The following RPS6KC1 variants were observed in gnomAD, a reference collection of about 807,000 sequenced individuals.
RPS6KC1 encodes the protein ribosomal protein S6 kinase C1.
In RPS6KC1, 54 loss-of-function variants were observed where a neutral mutation model predicts 103.8. That is an observed-to-expected ratio of 0.52 (90% CI 0.42 to 0.65). The LOEUF (loss-of-function observed/expected upper bound fraction) is 0.65, where lower values mean the gene tolerates loss of function less well. Ranked by LOEUF, RPS6KC1 falls within the 30% of genes least tolerant of loss-of-function variation. RPS6KC1 has a pLI of 0.00. For synonymous variants in RPS6KC1, 439 were observed against 438.7 expected (o/e 1.00, Z -0.01); for missense variants, 1,151 against 1,253.8 (o/e 0.92, Z 1.24).
At chr1:213,568,449 G>A in the RPS6KC1 span, among the ~76,000 whole-genome samples, 1 of 152,216 alleles carries the variant, frequency 6.6e-6, no homozygotes, top group Non-Finnish European at 1.5e-5. Context: ...TTCAATTCAA[G>A]GACATATGGA....
the RPS6KC1 span, among the ~76,000 whole-genome samples, chr1:213,650,661 AG>A: frequency 6.6e-6 from 1 of 152,148 alleles, no homozygotes; most frequent in Non-Finnish European, 1.5e-5. Context: ...TGTCCCTTCA[AG>A]GAAACTTGGA....
chr1:213,537,953 G>A, the RPS6KC1 span, among the ~76,000 whole-genome samples: 1 of 152,128 alleles, frequency 6.6e-6, no homozygotes, highest in African/African-American at 2.4e-5. Context: ...ATAAGGCAGG[G>A]ACCTCATTGT....
At chr1:213,804,145 C>A in the RPS6KC1 span, among the ~76,000 whole-genome samples, 2 of 23,620 alleles carry the variant, frequency 8.5e-5, no homozygotes, top group Non-Finnish European at 1.6e-4. Context: ...TGAAGTCAAA[C>A]ATAAAAAAAA....
intron 6 of RPS6KC1, among the ~76,000 whole-genome samples, chr1:213,140,985 C>T (rs1181731876): frequency 3.3e-5 from 5 of 151,922 alleles, no homozygotes; most frequent in South Asian, 4.2e-4. Flanking sequence ...CAACCTCCCC[C>T]TCCCGGGTTC....
the RPS6KC1 span, chr1:213,841,198 A>G: frequency 6.6e-6 from 1 of 152,164 alleles, no homozygotes; most frequent in African/African-American, 2.4e-5. Flanking sequence ...ACTACGGATG[A>G]TTGCATCAAC....
chr1:213,092,720 T>A (rs1451812331), intron 3 of RPS6KC1, among the ~76,000 whole-genome samples: 1 of 151,890 alleles, frequency 6.6e-6, no homozygotes, highest in Admixed American at 6.6e-5. Flanking sequence ...ATCCAAGATA[T>A]GTTTTTAAGC....
the RPS6KC1 span, among the ~76,000 whole-genome samples, chr1:213,607,688 TACACACACACACACACACACACACAC>T: frequency 7.1e-6 from 1 of 140,802 alleles, no homozygotes; most frequent in Non-Finnish European, 1.5e-5. Flanking sequence ...CAGTTGCAAT[TACACACACACACACACACACACACAC>T]ACACACACAC....
chr1:213,647,323 A>G, the RPS6KC1 span, among the ~76,000 whole-genome samples: 91 of 152,312 alleles, frequency 6.0e-4, no homozygotes, highest in Middle Eastern at 3.4e-3. Context: ...CCAAATACCA[A>G]TAGTGGCTCA....
the RPS6KC1 span, among the ~76,000 whole-genome samples, chr1:213,709,549 C>T: frequency 6.6e-6 from 1 of 151,982 alleles, no homozygotes; most frequent in Admixed American, 6.6e-5. Context: ...GCCTCTGTCT[C>T]CTTCAGCTCT....
chr1:213,477,471 C>G, the RPS6KC1 span, among the ~76,000 whole-genome samples: 1 of 151,862 alleles, frequency 6.6e-6, no homozygotes, highest in East Asian at 1.9e-4. Context: ...ATACATTTCT[C>G]TGAGGTTTTA....
the RPS6KC1 span, among the ~76,000 whole-genome samples, chr1:213,746,282 A>G: frequency 1.3e-5 from 2 of 152,226 alleles, no homozygotes; most frequent in East Asian, 1.9e-4. Flanking sequence ...TGAGAAGGGC[A>G]CATTTGGGCA....
the RPS6KC1 span, among the ~76,000 whole-genome samples, chr1:213,457,463 T>A: frequency 7.5e-5 from 11 of 147,556 alleles, no homozygotes; most frequent in African/African-American, 2.5e-4. Flanking sequence ...TTAGGGACTT[T>A]CCGGGCATCC....
chr1:213,504,335 A>T, the RPS6KC1 span, among the ~76,000 whole-genome samples: 25 of 151,792 alleles, frequency 1.6e-4, no homozygotes, highest in African/African-American at 6.0e-4. Context: ...TATCCTTACA[A>T]TTTTTTTTAA....
At chr1:213,212,223 G>A (rs978126736) in intron 8 of RPS6KC1, among the ~76,000 whole-genome samples, 1 of 151,852 alleles carries the variant, frequency 6.6e-6, no homozygotes, top group East Asian at 1.9e-4. Flanking sequence ...AAATCTCTGT[G>A]CTCTGCCTGT....
chr1:213,326,997 G>A, the RPS6KC1 span, among the ~76,000 whole-genome samples: 1 of 150,078 alleles, frequency 6.7e-6, no homozygotes, highest in Non-Finnish European at 1.5e-5. Context: ...TATCCATTTA[G>A]TCTGGCCTCT....
the RPS6KC1 span, among the ~76,000 whole-genome samples, chr1:213,547,976 A>G: frequency 6.6e-6 from 1 of 152,242 alleles, no homozygotes; most frequent in African/African-American, 2.4e-5. Context: ...GGACATGTGT[A>G]CAAGGATTTT....
chr1:213,764,117 G>A, the RPS6KC1 span, among the ~76,000 whole-genome samples: 1 of 152,162 alleles, frequency 6.6e-6, no homozygotes, highest in Non-Finnish European at 1.5e-5. Flanking sequence ...TTGTCGACTG[G>A]AAATAAACAG....
At chr1:213,583,618 C>T in the RPS6KC1 span, among the ~76,000 whole-genome samples, 2 of 152,062 alleles carry the variant, frequency 1.3e-5, no homozygotes, top group African/African-American at 2.4e-5. Context: ...GTCAGGAGTT[C>T]GAGACCAGCC....
chr1:213,733,861 G>A, the RPS6KC1 span, among the ~76,000 whole-genome samples: 1 of 152,194 alleles, frequency 6.6e-6, no homozygotes, highest in Admixed American at 6.5e-5. Context: ...GAAAGAAATT[G>A]TGTTTAGCAA....
Sources: gnomAD v4.1 joint callset for allele counts (sites outside exome capture counted in the v4.1 genomes callset) on GRCh38, gnomAD v4.1.1 for gene constraint, MANE v1.5 for transcripts, NCBI Gene and HGNC (gene_info 2026-07-23, HGNC 2026-07-21) for gene names.